Variants in EXT1 observed in about 807,000 individuals in gnomAD.
EXT1 encodes exostosin glycosyltransferase 1.
EXT1 carries 20 observed loss-of-function variants against 82.5 expected under a neutral mutation model. That is an observed-to-expected ratio of 0.24 (90% CI 0.17 to 0.35). EXT1 has a LOEUF of 0.35. EXT1 is among the 10% of genes least tolerant of loss of function. The probability of loss-of-function intolerance (pLI) is 1.00; values close to 1 mark genes in which losing one functional copy is unlikely to be tolerated. For synonymous variants in EXT1, 348 were observed against 350.8 expected, an observed-to-expected ratio of 0.99 and a Z score of 0.09; for missense variants, 757 against 936.5, an observed-to-expected ratio of 0.81 and a Z score of 2.50.
chr8:117,830,156 T>C (rs1462399474), intron 4 of EXT1, 74 bp downstream of exon 4: 11 of 1,601,460 alleles, frequency 6.9e-6, no homozygotes, highest in South Asian at 3.3e-5. Context: ...ACATCCCTAA[T>C]AGCAAAACAG....
intron 1 of EXT1, among the ~76,000 whole-genome samples, chr8:117,873,079 T>A (rs973195583): frequency 3.3e-5 from 5 of 152,158 alleles, no homozygotes; most frequent in Non-Finnish European, 7.3e-5. Flanking sequence ...GGTGGAAATC[T>A]TTTTTATAAA....
chr8:117,812,051 ATGAT>A (rs966642729), intron 8 of EXT1, among the ~76,000 whole-genome samples: 15 of 149,474 alleles, frequency 1.0e-4, no homozygotes, highest in Non-Finnish European at 1.5e-4. Flanking sequence ...TAAAAGGAAA[ATGAT>A]TGTGAACAAA....
At chr8:117,838,468 T>C (rs1812222084) in intron 1 of EXT1, among the ~76,000 whole-genome samples, 1 of 152,192 alleles carries the variant, frequency 6.6e-6, no homozygotes, top group South Asian at 2.1e-4. Context: ...AAAGGACCAT[T>C]TGCTTAAACA....
chr8:118,019,267 G>GAAAGAAAGAAAGAAAGAA (rs1394912847), intron 1 of EXT1, among the ~76,000 whole-genome samples: 1 of 151,922 alleles, frequency 6.6e-6, no homozygotes, highest in Non-Finnish European at 1.5e-5. Context: ...AAGAAAGAAA[G>GAAAGAAAGAAAGAAAGAA]AAAGAAAGAA....
intron 1 of EXT1, among the ~76,000 whole-genome samples, chr8:118,025,280 C>A (rs991398222): frequency 2.6e-5 from 4 of 152,144 alleles, no homozygotes; most frequent in East Asian, 1.9e-4. Flanking sequence ...GTGGGCTTCA[C>A]CATGAGGAGG....
At chr8:117,942,835 T>G (rs948768354) in intron 1 of EXT1, among the ~76,000 whole-genome samples, 3 of 152,228 alleles carry the variant, frequency 2.0e-5, no homozygotes, top group East Asian at 3.8e-4. Context: ...GCTATGATCC[T>G]AATTCTACAA....
intron 1 of EXT1, among the ~76,000 whole-genome samples, chr8:118,102,069 C>A (rs781692770): frequency 6.6e-6 from 1 of 151,948 alleles, no homozygotes; most frequent in Non-Finnish European, 1.5e-5. Flanking sequence ...GAATTCAAGA[C>A]CCGCCTGGCC....
At chr8:117,935,243 G>A (rs1814136841) in intron 1 of EXT1, among the ~76,000 whole-genome samples, 1 of 151,630 alleles carries the variant, frequency 6.6e-6, no homozygotes, top group Non-Finnish European at 1.5e-5. Context: ...GGTTTGGTTT[G>A]TCATTTCTAA....
At chr8:117,988,021 G>C (rs1468320883) in intron 1 of EXT1, among the ~76,000 whole-genome samples, 1 of 152,208 alleles carries the variant, frequency 6.6e-6, no homozygotes, top group Admixed American at 6.5e-5. Flanking sequence ...CTGGAAAGTT[G>C]AGGCTGTGGT....
At chr8:117,963,941 C>T (rs181093942) in intron 1 of EXT1, among the ~76,000 whole-genome samples, 1 of 152,254 alleles carries the variant, frequency 6.6e-6, no homozygotes, top group African/African-American at 2.4e-5. Flanking sequence ...CAACCCACAT[C>T]CCCTCCCAAC....
intron 1 of EXT1, among the ~76,000 whole-genome samples, chr8:117,996,632 G>A (rs1786952188): frequency 6.6e-6 from 1 of 152,184 alleles, no homozygotes; most frequent in Non-Finnish European, 1.5e-5. Flanking sequence ...GTTTATGCCA[G>A]TAAATTTTGG....
chr8:118,023,050 T>C (rs1203900928), intron 1 of EXT1, among the ~76,000 whole-genome samples: 1 of 152,188 alleles, frequency 6.6e-6, no homozygotes, highest in African/African-American at 2.4e-5. Flanking sequence ...TCATAAACCA[T>C]ACTAAATTTC....
At chr8:118,097,326 A>C (rs539443765) in intron 1 of EXT1, among the ~76,000 whole-genome samples, 2 of 152,296 alleles carry the variant, frequency 1.3e-5, no homozygotes. Context: ...ACATATCTGT[A>C]ATTCCAGCTA....
chr8:117,996,640 T>C (rs1382094394), intron 1 of EXT1, among the ~76,000 whole-genome samples: 1 of 152,248 alleles, frequency 6.6e-6, no homozygotes, highest in East Asian at 1.9e-4. Flanking sequence ...CAGTAAATTT[T>C]GGAGTAATTT....
chr8:117,919,261 C>T (rs1389655353), intron 1 of EXT1, among the ~76,000 whole-genome samples: 1 of 151,866 alleles, frequency 6.6e-6, no homozygotes, highest in Non-Finnish European at 1.5e-5. Context: ...TCACATCCCA[C>T]TGTAGCCTCG....
intron 9 of EXT1, among the ~76,000 whole-genome samples, chr8:117,805,128 A>G (rs1228128863): frequency 2.0e-5 from 3 of 152,200 alleles, no homozygotes. Context: ...AGGAGCCTAC[A>G]AGGCAGGTTC....
intron 1 of EXT1, among the ~76,000 whole-genome samples, chr8:118,096,291 G>A (rs994224335): frequency 2.0e-4 from 31 of 152,220 alleles, no homozygotes; most frequent in African/African-American, 7.5e-4. Context: ...TTTGGCTTCA[G>A]TGATACTTAT....
chr8:118,073,656 A>G (rs1308945394), intron 1 of EXT1, among the ~76,000 whole-genome samples: 1 of 141,770 alleles, frequency 7.1e-6, no homozygotes, highest in African/African-American at 2.6e-5. Flanking sequence ...AGAGAAGAGA[A>G]GAGAAGAGAA....
chr8:117,840,618 G>GAAAAAAAAAAAAAAAAAAAAAAAAAAAAA (rs939631711), intron 1 of EXT1, among the ~76,000 whole-genome samples: 1 of 89,690 alleles, frequency 1.1e-5, no homozygotes, highest in Non-Finnish European at 2.4e-5. Flanking sequence ...ATCTCAAAAA[G>GAAAAAAAAAAAAAAAAAAAAAAAAAAAAA]AAAAAAAAAA....
Sources: allele counts gnomAD v4.1 joint callset (sites outside exome capture counted in the v4.1 genomes callset), GRCh38; gene constraint gnomAD v4.1.1; transcripts MANE v1.5; gene names NCBI Gene and HGNC (gene_info 2026-07-23, HGNC 2026-07-21).